The following SLC17A6 variants were observed in gnomAD, a reference collection of about 807,000 sequenced individuals.
SLC17A6 encodes the protein vesicular glutamate transporter 2.
Under a neutral mutation model 67.1 loss-of-function variants are expected in SLC17A6, and 35 were observed. The ratio of observed to expected loss-of-function variants is 0.52; its 90% CI spans 0.40 to 0.69. SLC17A6 has a LOEUF of 0.69. Ranked by LOEUF, SLC17A6 falls within the 30% of genes least tolerant of loss-of-function variation. The pLI is 0.00. For synonymous variants in SLC17A6, 285 were observed against 252.3 expected, an observed-to-expected ratio of 1.13 and a Z score of -1.23; for missense variants, 588 against 723.9, an observed-to-expected ratio of 0.81 and a Z score of 2.15.
chr11:22,343,068 C>G, intron 2 of SLC17A6, 179 bp from the exon 3 acceptor site: 1 of 681,934 alleles, frequency 1.5e-6, no homozygotes, highest in Non-Finnish European at 2.6e-6. Context: ...TGTTAATGAG[C>G]AGGGTTTTTT....
chr11:22,377,304 T>C (rs917614337), intron 11 of SLC17A6, 101 bp from the exon 12 acceptor site: 6 of 1,047,852 alleles, frequency 5.7e-6, no homozygotes, highest in Admixed American at 5.0e-5. Flanking sequence ...TTCCCAAATA[T>C]AGTGTTTTAT....
At chr11:22,343,180 A>G in intron 2 of SLC17A6, 67 bp from the exon 3 acceptor site, 2 of 1,330,272 alleles carry the variant, frequency 1.5e-6, no homozygotes, top group Non-Finnish European at 2.2e-6. Context: ...CTTGTGAACC[A>G]CTGAAAGTGA....
At chr11:22,356,439 G>T (rs532762110) in intron 3 of SLC17A6, among the ~76,000 whole-genome samples, 1 of 152,234 alleles carries the variant, frequency 6.6e-6, no homozygotes, top group East Asian at 1.9e-4. Context: ...AATTAAATAA[G>T]AAGATGAGAT....
intron 7 of SLC17A6, 61 bp from the exon 8 acceptor site, chr11:22,369,978 T>C (rs1331807026): frequency 1.8e-5 from 28 of 1,519,488 alleles, no homozygotes; most frequent in Non-Finnish European, 2.5e-5. Context: ...GCACCTATTA[T>C]TCCCACTTAG....
chr11:22,376,517 T>C (rs1309948311), intron 10 of SLC17A6, 28 bp from the exon 11 acceptor site: 1 of 1,613,492 alleles, frequency 6.2e-7, no homozygotes, highest in Non-Finnish European at 8.5e-7. Context: ...TAGGATGCCC[T>C]GAGTCAAAAC....
intron 3 of SLC17A6, among the ~76,000 whole-genome samples, chr11:22,343,643 T>C (rs1382660236): frequency 6.6e-6 from 1 of 152,112 alleles, no homozygotes; most frequent in East Asian, 1.9e-4. Context: ...ACGTGCTGTA[T>C]GGCCTGACAG....
At chr11:22,338,960 G>T (rs1291882905) in intron 1 of SLC17A6, among the ~76,000 whole-genome samples, 1 of 149,952 alleles carries the variant, frequency 6.7e-6, no homozygotes, top group Non-Finnish European at 1.5e-5. Flanking sequence ...GTTTCTTTTG[G>T]TGCTTATAGA....
intron 2 of SLC17A6, among the ~76,000 whole-genome samples, chr11:22,342,356 A>G (rs1855825555): frequency 6.6e-6 from 1 of 152,162 alleles, no homozygotes; most frequent in South Asian, 2.1e-4. Flanking sequence ...CCCTGGGTCC[A>G]GACTTCCTTC....
intron 3 of SLC17A6, among the ~76,000 whole-genome samples, chr11:22,348,389 G>A (rs1855901721): frequency 6.6e-6 from 1 of 152,142 alleles, no homozygotes; most frequent in Non-Finnish European, 1.5e-5. Flanking sequence ...GAATCATACT[G>A]AATTTTTTGT....
At chr11:22,367,042 T>C (rs1261192708) in intron 7 of SLC17A6, among the ~76,000 whole-genome samples, 2 of 149,300 alleles carry the variant, frequency 1.3e-5, no homozygotes, top group Non-Finnish European at 3.0e-5. Context: ...CACTGTTTAG[T>C]AAAATTAGTG....
intron 3 of SLC17A6, among the ~76,000 whole-genome samples, chr11:22,356,004 T>A (rs1029202390): frequency 4.6e-5 from 7 of 152,202 alleles, no homozygotes; most frequent in African/African-American, 1.7e-4. Context: ...TTTTTCTAAG[T>A]GCCTGCTGAC....
intron 3 of SLC17A6, among the ~76,000 whole-genome samples, chr11:22,354,273 G>A (rs931720264): frequency 3.3e-5 from 5 of 151,968 alleles, no homozygotes; most frequent in Admixed American, 1.3e-4. Context: ...TAGTACAGAC[G>A]GGATTTCACC....
chr11:22,338,600 T>G lies in SLC17A6; in HGVS notation c.67T>G (p.Ser23Ala). 1 of 1,613,362 alleles carries G rather than the reference T, an allele frequency of 6.2e-7. No individual in the cohort carries two copies. Among genetic ancestry groups the G allele is most frequent in the South Asian group, 1.1e-5 (1 of 90,972 alleles). The change falls in exon 1 of 12, where the codon TCA becomes GCA. Residue 23 changes from serine to alanine, a missense_variant. Physicochemically the swap from Ser to Ala is moderately conservative, Grantham distance 99 (BLOSUM62 1). Coordinates refer to ENST00000263160, the MANE Select transcript of SLC17A6 (RefSeq NM_020346.3). ...GGGGCTAAAGAATTTTGCTGGAAAATCACTCGGCCAGATCTACAGGTAAGA... is the reference window on the plus strand; with the variant it reads ...GGGGCTAAAGAATTTTGCTGGAAAAGCACTCGGCCAGATCTACAGGTAAGA... The part of the protein sequence containing the change: ...KEGLKNFAGK[S>A]LGQIYRVLEK...
intron 7 of SLC17A6, among the ~76,000 whole-genome samples, chr11:22,367,118 A>G (rs79784936): frequency 6.6e-5 from 10 of 152,194 alleles, no homozygotes; most frequent in Non-Finnish European, 1.2e-4. Context: ...AAGAGCTGAA[A>G]GGTGTCATAC....
intron 3 of SLC17A6, among the ~76,000 whole-genome samples, chr11:22,352,439 G>C (rs1855950757): frequency 6.6e-6 from 1 of 152,152 alleles, no homozygotes; most frequent in Non-Finnish European, 1.5e-5. Context: ...ATGATAAACT[G>C]CTTGAAATAA....
At position 22,365,678 on chromosome 11, in the gene SLC17A6, G is replaced by C. The variant is rs571987954; in HGVS notation, c.880G>C (p.Gly294Arg). 1.9e-6 allele frequency: 3 copies of C among 1,612,674 alleles called. No individual in the cohort carries two copies. The South Asian group carries it at 3.3e-5, about 18-fold the overall frequency. The change falls in exon 7 of 12, where the codon GGT (glycine) becomes CGT (arginine). Residue 294 changes from glycine to arginine, a missense_variant. Gly to Arg is a moderately radical substitution (Grantham distance 125, BLOSUM62 -2). Transcript: ENST00000263160. Reference sequence around the variant, plus strand: ...CATTGGAGAGAGTGCAAATCTTTTAGGTGCAATGGAAGTAAGAAATTTATT... The same window carrying C: ...CATTGGAGAGAGTGCAAATCTTTTACGTGCAATGGAAGTAAGAAATTTATT... ...ESIGESANLLGAMEKFKTPWR... is the reference protein window; with the variant it reads ...ESIGESANLLRAMEKFKTPWR...
At chr11:22,372,792 T>C (rs1856189269) in intron 8 of SLC17A6, among the ~76,000 whole-genome samples, 1 of 152,180 alleles carries the variant, frequency 6.6e-6, no homozygotes, top group Non-Finnish European at 1.5e-5. Flanking sequence ...AGCACACTTG[T>C]ATGTGATTGA....
At chr11:22,343,601 T>TGTGGC (rs1254769198) in intron 3 of SLC17A6, among the ~76,000 whole-genome samples, 1 of 152,176 alleles carries the variant, frequency 6.6e-6, no homozygotes, top group Non-Finnish European at 1.5e-5. Context: ...TTCCCTCTGC[T>TGTGGC]GTGGCTGAAC....
chr11:22,343,658 T>C (rs1365871550), intron 3 of SLC17A6, among the ~76,000 whole-genome samples: 7 of 152,134 alleles, frequency 4.6e-5, no homozygotes, highest in African/African-American at 1.7e-4. Context: ...TGACAGGAGC[T>C]GAGGGCAGAC....
Sources: allele counts gnomAD v4.1 joint callset (sites outside exome capture counted in the v4.1 genomes callset), GRCh38; gene constraint gnomAD v4.1.1; transcripts MANE v1.5; gene names NCBI Gene and HGNC (gene_info 2026-07-23, HGNC 2026-07-21).